Variants in MMD2 observed in about 807,000 individuals in gnomAD.
MMD2 encodes the protein monocyte to macrophage differentiation factor 2.
MMD2 carries 30 observed loss-of-function variants against 33.5 expected under a neutral mutation model. The observed-to-expected ratio is 0.90, with a 90% CI of 0.67 to 1.22. The LOEUF (loss-of-function observed/expected upper bound fraction) is 1.22. Among genes scored for constraint, MMD2 ranks in the 50% most tolerant of loss-of-function variants. The pLI is 0.00. For synonymous variants in MMD2, 129 were observed against 123.0 expected (o/e 1.05, Z -0.32); for missense variants, 364 against 325.4 (o/e 1.12, Z -0.91).
chr7:4,918,330 ATGC>A, intron 3 of MMD2, among the ~76,000 whole-genome samples: 1 of 152,296 alleles, frequency 6.6e-6, no homozygotes, highest in African/African-American at 2.4e-5. Context: ...TAATGATTGT[ATGC>A]ACGGCTCAAC....
chr7:4,903,223 G>C (rs1288948153), downstream of MMD2, among the ~76,000 whole-genome samples: 1 of 152,138 alleles, frequency 6.6e-6, no homozygotes, highest in Admixed American at 6.5e-5. Context: ...GGGCAACAGA[G>C]CGAGACTCCA....
chr7:4,906,435 A>G lies in MMD2; in HGVS notation c.*961T>C. ...CTGATTGGCACCAAGAGAGAATCCA[A>G]ATGTTGGCATCACAAACCTTAAGTA... On this transcript the variant is annotated 3_prime_UTR_variant, in exon 7 of 7. Transcript: ENST00000401401. 2.5e-6 allele frequency: 1 copy of G among 398,618 alleles called. No homozygotes were observed. Among genetic ancestry groups the G allele is most frequent in the Non-Finnish European group, 4.4e-6 (1 of 226,078 alleles). 24.7% of individuals were successfully genotyped at this position (398,618 alleles called of 1,614,324 possible).
chr7:4,928,083 C>G (rs1459273423), intron 1 of MMD2, among the ~76,000 whole-genome samples: 2 of 152,188 alleles, frequency 1.3e-5, no homozygotes, highest in African/African-American at 4.8e-5. Flanking sequence ...CAGCAGCGTG[C>G]ATGTCTTCGG....
chr7:4,920,587 CT>C (rs1040302875), intron 2 of MMD2, among the ~76,000 whole-genome samples: 1 of 148,208 alleles, frequency 6.7e-6, no homozygotes, highest in African/African-American at 2.5e-5. Flanking sequence ...TTCCTCTCTT[CT>C]TTCCTTCCTT....
At chr7:4,905,267 G>A (rs987678529), downstream of MMD2, among the ~76,000 whole-genome samples, 3 of 149,930 alleles carry the variant, frequency 2.0e-5, no homozygotes, top group African/African-American at 7.4e-5. This position sits in a 1 kb window ranked among gnomAD's most constrained non-coding sequence, Gnocchi z 5.0. Flanking sequence ...AGGAGGAGGA[G>A]GAGGAAGAGG....
chr7:4,901,463 A>G (rs571049306), downstream of MMD2, among the ~76,000 whole-genome samples: 9 of 152,316 alleles, frequency 5.9e-5, no homozygotes, highest in South Asian at 1.9e-3. Context: ...AATACAATTT[A>G]AAAACCAAAC....
At position 4,910,771 on chromosome 7, in the gene MMD2, G is replaced by A. The variant is rs543951322; in HGVS notation, c.467+374C>T. On this transcript the variant is annotated intron_variant, in intron 5 of 6. Coordinates refer to ENST00000401401, the MANE Select transcript of MMD2 (RefSeq NM_198403.4). The stretch of plus-strand genomic sequence containing the variant: ...AGCCTCCCAAGTAGTTGGGATTACA[G>A]GCACCCATCATGACACCCAGCTAAT... Among the ~76,000 whole-genome samples the A allele has an allele frequency of 2.6e-5, 4 of 152,218 alleles. No individual in the cohort carries two copies. In the South Asian group the frequency reaches 8.3e-4, roughly 32 times the overall value.
Position 4,906,423 on chromosome 7 carries a change from A to G in MMD2, c.*973T>C. 5.0e-6 allele frequency: 2 copies of G among 398,626 alleles called. No homozygotes were observed. Among genetic ancestry groups the G allele is most frequent in the Non-Finnish European group, 8.8e-6 (2 of 226,072 alleles). The allele number at this position is 398,626 out of a possible 1,614,324, so 24.7% of individuals were successfully genotyped here. On this transcript the variant is annotated 3_prime_UTR_variant, in exon 7 of 7. Coordinates refer to ENST00000401401, the MANE Select transcript of MMD2 (RefSeq NM_198403.4). ...CTCTAACAGCCACTGATTGGCACCAAGAGAGAATCCAAATGTTGGCATCAC... is the reference window on the plus strand; with the variant it reads ...CTCTAACAGCCACTGATTGGCACCAGGAGAGAATCCAAATGTTGGCATCAC...
intron 1 of MMD2, among the ~76,000 whole-genome samples, chr7:4,930,456 A>G (rs1785550250): frequency 1.3e-5 from 2 of 151,478 alleles, no homozygotes; most frequent in African/African-American, 2.4e-5. Flanking sequence ...CCTGGCTAAC[A>G]CGGCAATACC....
downstream of MMD2, among the ~76,000 whole-genome samples, chr7:4,905,739 C>T (rs1025456374): frequency 6.6e-6 from 1 of 152,148 alleles, no homozygotes; most frequent in Non-Finnish European, 1.5e-5. This position sits in a 1 kb window ranked among gnomAD's most constrained non-coding sequence, Gnocchi z 5.0. Context: ...CTCTCTCCAA[C>T]CAGCCCTCCC....
intron 1 of MMD2, among the ~76,000 whole-genome samples, chr7:4,928,640 G>C (rs1409440536): frequency 6.7e-6 from 1 of 149,560 alleles, no homozygotes; most frequent in Non-Finnish European, 1.5e-5. Context: ...TCCATGGTAA[G>C]TGCAGCTCAT....
In MMD2 at chr7:4,906,444, A is replaced by G; in HGVS notation, c.*952T>C. 7.5e-6 allele frequency: 3 copies of G among 398,674 alleles called. No individual in the cohort carries two copies. In the East Asian group the frequency reaches 1.1e-4, roughly 14 times the overall value. The allele number at this position is 398,674 out of a possible 1,614,324, so 24.7% of individuals were successfully genotyped here. On this transcript the variant is annotated 3_prime_UTR_variant, in exon 7 of 7. Coordinates refer to ENST00000401401, the MANE Select transcript of MMD2 (RefSeq NM_198403.4). ...ACCAAGAGAGAATCCAAATGTTGGCATCACAAACCTTAAGTATGGAGCAGG... is the reference window on the plus strand; with the variant it reads ...ACCAAGAGAGAATCCAAATGTTGGCGTCACAAACCTTAAGTATGGAGCAGG...
intron 1 of MMD2, among the ~76,000 whole-genome samples, chr7:4,935,991 C>A (rs1785730510): frequency 6.6e-6 from 1 of 151,926 alleles, no homozygotes; most frequent in South Asian, 2.1e-4. Context: ...TCGAGACCAG[C>A]CTGTCCAACA....
intron 1 of MMD2, among the ~76,000 whole-genome samples, chr7:4,935,413 G>C (rs751041929): frequency 1.3e-5 from 2 of 151,832 alleles, no homozygotes; most frequent in Non-Finnish European, 2.9e-5. Flanking sequence ...TATTCGGTCT[G>C]GGGTAAAGCC....
intron 1 of MMD2, among the ~76,000 whole-genome samples, chr7:4,956,026 C>G (rs926999983): frequency 6.6e-6 from 1 of 152,142 alleles, no homozygotes; most frequent in Non-Finnish European, 1.5e-5. Flanking sequence ...GCACTCCAGC[C>G]TGGGTGACAG....
intron 6 of MMD2, among the ~76,000 whole-genome samples, chr7:4,907,850 C>T (rs1784903367): frequency 6.6e-6 from 1 of 152,170 alleles, no homozygotes. Context: ...TCTGTTGCCC[C>T]AGCGGGAGTG....
chr7:4,931,231 G>A (rs756608684), intron 1 of MMD2, among the ~76,000 whole-genome samples: 3 of 151,958 alleles, frequency 2.0e-5, no homozygotes, highest in South Asian at 2.1e-4. Context: ...CTGCAGCCTC[G>A]ACCTCCTGGG....
chr7:4,912,785 A>T (rs530715456), intron 4 of MMD2, among the ~76,000 whole-genome samples: 6 of 151,820 alleles, frequency 4.0e-5, no homozygotes, highest in African/African-American at 1.5e-4. Flanking sequence ...AGCTCACTGC[A>T]CCCTTCGCCT....
At chr7:4,923,860 C>G (rs1168776821) in intron 2 of MMD2, among the ~76,000 whole-genome samples, 1 of 152,078 alleles carries the variant, frequency 6.6e-6, no homozygotes, top group African/African-American at 2.4e-5. Context: ...AACTTAGAAC[C>G]CAGTGTGGGC....
Sources: gnomAD v4.1 joint callset for allele counts (sites outside exome capture counted in the v4.1 genomes callset) on GRCh38, gnomAD v4.1.1 for gene constraint, Gnocchi (gnomAD v3.1) non-coding constraint, MANE v1.5 for transcripts, NCBI Gene and HGNC (gene_info 2026-07-23, HGNC 2026-07-21) for gene names.